NRXN3: variants seen among roughly 807,000 people sequenced by gnomAD.
NRXN3 encodes neurexin III.
Under a neutral mutation model 137.6 loss-of-function variants are expected in NRXN3, and 32 were observed. The ratio of observed to expected loss-of-function variants is 0.23; its 90% CI spans 0.18 to 0.31. The LOEUF is 0.31. Ranked by LOEUF, NRXN3 falls within the 10% of genes least tolerant of loss-of-function variation. NRXN3 has a pLI of 1.00. For missense variants in NRXN3, 1,574 were observed against 2,062.5 expected, an observed-to-expected ratio of 0.76 and a Z score of 4.59; for synonymous variants, 798 against 784.5, an observed-to-expected ratio of 1.02 and a Z score of -0.29.
chr14:78,826,978 A>G (rs184896658), intron 10 of NRXN3, among the ~76,000 whole-genome samples: 26 of 152,292 alleles, frequency 1.7e-4, no homozygotes, highest in Non-Finnish European at 3.4e-4. Flanking sequence ...TTTGCTAGTA[A>G]AAATAAGTTC....
chr14:79,613,388 A>G (rs1290182837), intron 16 of NRXN3, among the ~76,000 whole-genome samples: 1 of 152,210 alleles, frequency 6.6e-6, no homozygotes, highest in Non-Finnish European at 1.5e-5. Flanking sequence ...AATGGTTCTA[A>G]GAGGAAAAAG....
intron 10 of NRXN3, among the ~76,000 whole-genome samples, chr14:78,889,285 G>A (rs1252282379): frequency 2.0e-5 from 3 of 151,914 alleles, no homozygotes; most frequent in Non-Finnish European, 4.4e-5. Flanking sequence ...CTTCACTGGG[G>A]AAATGTCTAG....
At chr14:78,763,556 C>A (rs932820800) in intron 8 of NRXN3, among the ~76,000 whole-genome samples, 3 of 151,790 alleles carry the variant, frequency 2.0e-5, no homozygotes, top group Admixed American at 6.6e-5. Context: ...GTGTTAAGAG[C>A]TTTATAGGAA....
At chr14:78,405,613 C>CGGGGGGGGGGAGGGGGGGGG (rs3037826) in intron 4 of NRXN3, among the ~76,000 whole-genome samples, 3 of 128,734 alleles carry the variant, frequency 2.3e-5, no homozygotes, top group African/African-American at 5.9e-5. Context: ...GGGGAAGGGG[C>CGGGGGGGGGGAGGGGGGGGG]GGGGGGGTTC....
At chr14:78,781,455 G>A (rs921643152) in intron 8 of NRXN3, among the ~76,000 whole-genome samples, 2 of 152,280 alleles carry the variant, frequency 1.3e-5, no homozygotes, top group East Asian at 3.9e-4. Context: ...TTGTTCGAAT[G>A]TTTGAAGTAC....
intron 15 of NRXN3, among the ~76,000 whole-genome samples, chr14:79,363,820 C>A (rs2093776669): frequency 6.6e-6 from 1 of 152,162 alleles, no homozygotes; most frequent in Admixed American, 6.5e-5. Flanking sequence ...AAATCTAACA[C>A]CATTTTGAAC....
rs1230033715 is a variant in NRXN3, at chr14:78,386,064, A to AG, written c.757+88204_757+88205insG. 5.3e-5 allele frequency among the ~76,000 whole-genome samples: 8 copies of AG among 150,806 alleles called. No homozygotes were observed. The East Asian group carries it at 9.8e-4, about 18-fold the overall frequency. On this transcript the variant is annotated intron_variant, in intron 4 of 20. Coordinates refer to ENST00000335750, the MANE Select transcript of NRXN3 (RefSeq NM_001330195.2). The stretch of plus-strand genomic sequence containing the variant: ...TTTAACTGGCAAAACAAAAGAGCAA[A>AG]AAAAGTCCCATTTTCAGTATCTGAC...
intron 16 of NRXN3, among the ~76,000 whole-genome samples, chr14:79,489,348 G>T (rs2096689351): frequency 1.3e-5 from 2 of 152,062 alleles, no homozygotes; most frequent in Non-Finnish European, 2.9e-5. Flanking sequence ...GATTCTCCGA[G>T]GATTTATAAT....
Position 78,550,367 on chromosome 14 carries a change from C to T in NRXN3, c.758-94753C>T, listed in dbSNP as rs2096675811. The stretch of plus-strand genomic sequence containing the variant: ...CTTTTACTTCTATGACCCTTTCTTT[C>T]TCTTGGTTTCTCCTTGACACTTCTC... On this transcript the variant is annotated intron_variant, in intron 4 of 20. Transcript: ENST00000335750. Among the ~76,000 whole-genome samples, 4 of 152,094 alleles carry T rather than the reference C, an allele frequency of 2.6e-5. No homozygotes were observed. The South Asian group carries it at 6.2e-4, about 24-fold the overall frequency.
chr14:78,630,644 A>T (rs2097512320), intron 4 of NRXN3, among the ~76,000 whole-genome samples: 2 of 139,742 alleles, frequency 1.4e-5, no homozygotes, highest in Admixed American at 7.7e-5. Flanking sequence ...TCATTCTGTC[A>T]CCCAGGCTGG....
rs72347811 is a variant in NRXN3 at position 79,739,648 on chromosome 14, CAAAAAAAAAAAAAAAAA to C, written c.4014+41724_4014+41740del. On this transcript the variant is annotated intron_variant, in intron 19 of 20. Coordinates refer to ENST00000335750, the MANE Select transcript of NRXN3 (RefSeq NM_001330195.2). The stretch of plus-strand genomic sequence containing the variant: ...TGGGTGACAGAACGAGACTCTGCCT[CAAAAAAAAAAAAAAAAA>C]AAAAAAAAAAAAGAACCCAGGCCTC... Among the ~76,000 whole-genome samples, 6 of 31,824 alleles carry C rather than the reference CAAAAAAAAAAAAAAAAA, an allele frequency of 1.9e-4. No homozygotes were observed. The Admixed American group carries it at 2.5e-3, about 13-fold the overall frequency. The allele number at this position is 31,824 out of a possible 152,430, so 20.9% of individuals were successfully genotyped here. A position where few individuals can be genotyped will look rare whatever the true frequency, so the allele number is the denominator to read the frequency against.
intron 6 of NRXN3, among the ~76,000 whole-genome samples, chr14:78,705,406 G>A (rs946400802): frequency 2.6e-5 from 4 of 152,176 alleles, no homozygotes; most frequent in African/African-American, 9.7e-5. Context: ...CACAGAGCAG[G>A]TGGGGAAGGT....
chr14:79,861,913 G>T lies in NRXN3; in HGVS notation c.4665G>T (p.Ser1555=), dbSNP rs754484520. 1.9e-6 allele frequency: 3 copies of T among 1,613,862 alleles called. No individual in the cohort carries two copies. The highest frequency in any genetic ancestry group is 1.7e-6 in the Non-Finnish European group (2 of 1,179,886). Residue 1555 remains serine, a synonymous_variant, in exon 21 of 21, where the codon TCG becomes TCT. Transcript: ENST00000335750. The surrounding 1 kb of genome is among the most constrained non-coding windows in gnomAD (Gnocchi z 5.4). ...TCATGAAGGAGAAGCAGCAGAGCTC[G>T]AAGAGCGGCCACAAGAAACAGAAAA... is the stretch of plus-strand genomic sequence containing the variant. ...GTLMKEKQQS[S]KSGHKKQKNK...
intron 10 of NRXN3, among the ~76,000 whole-genome samples, chr14:78,841,874 T>C (rs2099013426): frequency 1.3e-5 from 2 of 152,140 alleles, no homozygotes; most frequent in Non-Finnish European, 2.9e-5. Context: ...TATTATATAA[T>C]TTTAATAAGT....
At chr14:78,586,126 A>G (rs988055249) in intron 4 of NRXN3, among the ~76,000 whole-genome samples, 1 of 152,146 alleles carries the variant, frequency 6.6e-6, no homozygotes, top group African/African-American at 2.4e-5. Flanking sequence ...TTCTTTATCT[A>G]TTGTCTGTGG....
chr14:79,779,786 A>G (rs563466623), intron 19 of NRXN3, among the ~76,000 whole-genome samples: 1 of 152,280 alleles, frequency 6.6e-6, no homozygotes, highest in African/African-American at 2.4e-5. Context: ...AGACCAGAGT[A>G]TCCATTTCTC....
chr14:79,415,005 A>T (rs2095475967), intron 15 of NRXN3, among the ~76,000 whole-genome samples: 2 of 152,102 alleles, frequency 1.3e-5, no homozygotes, highest in Admixed American at 1.3e-4. Context: ...AATGTCCTCT[A>T]GGTTTATCCA....
chr14:78,627,790 C>A (rs943038109), intron 4 of NRXN3, among the ~76,000 whole-genome samples: 2 of 152,164 alleles, frequency 1.3e-5, no homozygotes, highest in Admixed American at 6.5e-5. Context: ...GTTTTTAAAG[C>A]ACTTTTCATA....
chr14:78,192,440 C>G (rs1401234416), intron 1 of NRXN3, among the ~76,000 whole-genome samples: 7 of 152,136 alleles, frequency 4.6e-5, no homozygotes, highest in Non-Finnish European at 1.0e-4. Flanking sequence ...TCTCTCCGTT[C>G]TGTTTCTCAG....
Sources: allele counts gnomAD v4.1 joint callset (sites outside exome capture counted in the v4.1 genomes callset), GRCh38; gene constraint gnomAD v4.1.1; non-coding constraint Gnocchi (gnomAD v3.1); transcripts MANE v1.5; gene names NCBI Gene and HGNC (gene_info 2026-07-23, HGNC 2026-07-21).